PCDHA7: variants seen among roughly 807,000 people sequenced by gnomAD.
PCDHA7 encodes the protein protocadherin alpha 7.
In PCDHA7, 37 loss-of-function variants were observed where a neutral mutation model predicts 57.2. The observed-to-expected ratio is 0.65, with a 90% CI of 0.50 to 0.85. PCDHA7 has a LOEUF of 0.85. Ranked by LOEUF, PCDHA7 falls within the 40% of genes least tolerant of loss-of-function variation. The pLI, the probability that PCDHA7 is intolerant of heterozygous loss-of-function variation, is 0.00. For missense variants in PCDHA7, 1,188 were observed against 1,241.8 expected, an observed-to-expected ratio of 0.96 and a Z score of 0.65; for synonymous variants, 553 against 558.8, an observed-to-expected ratio of 0.99 and a Z score of 0.15.
At chr5:140,962,781 T>A (rs1466674099) in intron 1 of PCDHA7, among the ~76,000 whole-genome samples, 1 of 152,228 alleles carries the variant, frequency 6.6e-6, no homozygotes, top group African/African-American at 2.4e-5. Context: ...ATGGAATTTT[T>A]AAAAACTACT....
intron 1 of PCDHA7, among the ~76,000 whole-genome samples, chr5:140,944,481 T>C (rs1441639137): frequency 1.3e-5 from 2 of 152,106 alleles, no homozygotes; most frequent in Admixed American, 6.5e-5. Flanking sequence ...GGCACTGGAC[T>C]GAGGCTTCTT....
intron 3 of PCDHA7, among the ~76,000 whole-genome samples, chr5:140,993,652 T>C (rs1174007185): frequency 6.6e-6 from 1 of 152,172 alleles, no homozygotes; most frequent in Admixed American, 6.5e-5. Flanking sequence ...AATGACACTT[T>C]GGTTAACAAT....
intron 1 of PCDHA7, among the ~76,000 whole-genome samples, chr5:140,942,962 A>G (rs2153660638): frequency 6.6e-6 from 1 of 152,216 alleles, no homozygotes; most frequent in South Asian, 2.1e-4. Flanking sequence ...CTGTTATCAG[A>G]ATTAAATTTT....
intron 1 of PCDHA7, among the ~76,000 whole-genome samples, chr5:140,909,474 C>G (rs1554193804): frequency 6.6e-6 from 1 of 152,182 alleles, no homozygotes; most frequent in African/African-American, 2.4e-5. Context: ...TCTTCACAGG[C>G]TAAATAGGAG....
chr5:140,857,649 T>G, intron 1 of PCDHA7: 1 of 1,596,586 alleles, frequency 6.3e-7, no homozygotes, highest in Non-Finnish European at 8.6e-7. Context: ...CAGTTCCAGG[T>G]GAGCGCGCGC....
chr5:140,987,797 T>A (rs967250070), intron 3 of PCDHA7, among the ~76,000 whole-genome samples: 23 of 152,308 alleles, frequency 1.5e-4, no homozygotes, highest in African/African-American at 4.3e-4. Flanking sequence ...AAGATTTTTT[T>A]AAAGTGCCTG....
rs142949338 is a variant in PCDHA7 at position 140,927,554 on chromosome 5, T to G, written c.2356-51395T>G. On this transcript the variant is annotated intron_variant, in intron 1 of 3. Coordinates refer to ENST00000525929, the MANE Select transcript of PCDHA7 (RefSeq NM_018910.3). ...CGCTCAGGAGACGCACAAGTCACCA[T>G]CATTGTGGTGGACACAAATGACAAC... The G allele has an allele frequency of 5.6e-6, 9 of 1,614,020 alleles. No individual in the cohort carries two copies. The African/African-American group carries it at 1.1e-4, about 19-fold the overall frequency.
rs2150253350 is a variant in PCDHA7 at position 140,836,122 on chromosome 5, T to C, written c.1739T>C (p.Leu580Pro). Reference sequence around the variant, plus strand: ...GGCACTGGTGGCGCAGTGAGAGAGCTTGTGCCGCGGTCTGTGGGCGCGGGC... The same window carrying C: ...GGCACTGGTGGCGCAGTGAGAGAGCCTGTGCCGCGGTCTGTGGGCGCGGGC... ...VGGTGGAVRELVPRSVGAGHV... is the reference protein window; with the variant it reads ...VGGTGGAVREPVPRSVGAGHV... Residue 580 changes from leucine (L) to proline (P), a missense_variant, in exon 1 of 4, where the codon CTT becomes CCT. Leu to Pro is a moderately conservative substitution (Grantham distance 98). This residue lies in a region of PCDHA7 where 892 missense variants were observed against 788.5 expected (regional missense o/e 1.13). Transcript: ENST00000525929. 2.0e-5 allele frequency: 32 copies of C among 1,613,580 alleles called. 2 individuals are homozygous for C. The Admixed American group carries it at 3.3e-4, about 17-fold the overall frequency.
intron 1 of PCDHA7, among the ~76,000 whole-genome samples, chr5:140,914,575 A>G (rs2076765762): frequency 2.0e-5 from 3 of 152,018 alleles, no homozygotes; most frequent in African/African-American, 7.2e-5. Context: ...TTTACATTCA[A>G]TAATTTCATT....
intron 1 of PCDHA7, chr5:140,967,164 C>G (rs762120187): frequency 8.7e-6 from 14 of 1,611,226 alleles, no homozygotes; most frequent in Non-Finnish European, 1.2e-5. Flanking sequence ...GCGGTGAGCG[C>G]CGTTGAGGTG....
chr5:140,870,052 A>C (rs782520778), intron 1 of PCDHA7: 1 of 1,613,830 alleles, frequency 6.2e-7, no homozygotes, highest in Non-Finnish European at 8.5e-7. Flanking sequence ...GTTTTATAAA[A>C]TTGAAGTACA....
At chr5:140,911,257 A>G (rs1423375928) in intron 1 of PCDHA7, among the ~76,000 whole-genome samples, 1 of 152,156 alleles carries the variant, frequency 6.6e-6, no homozygotes, top group African/African-American at 2.4e-5. Context: ...ATCAGAATTT[A>G]TAATCTCAGT....
intron 1 of PCDHA7, among the ~76,000 whole-genome samples, chr5:140,941,214 C>CCTTCTTTCTTTCTTT (rs1554214040): frequency 8.2e-6 from 1 of 122,414 alleles, no homozygotes; most frequent in Non-Finnish European, 1.7e-5. Context: ...TTTCTTTCTT[C>CCTTCTTTCTTTCTTT]CTTTCTTTCT....
intron 1 of PCDHA7, chr5:140,856,779 C>T (rs1554149103): frequency 6.3e-7 from 1 of 1,596,160 alleles, no homozygotes; most frequent in East Asian, 2.2e-5. Context: ...TTTGACAGAC[C>T]GGTTTATGAA....
chr5:140,843,693 T>C, intron 1 of PCDHA7: 1 of 1,585,660 alleles, frequency 6.3e-7, no homozygotes, highest in Non-Finnish European at 8.6e-7. Context: ...GAGCAAGATT[T>C]AAATGTTGAT....
In PCDHA7 at chr5:140,848,948, G is replaced by C. The variant is rs2150426215; in HGVS notation, c.2355+12210G>C. ...CGGAATCCAGGCCGCTTGACTCTCG[G>C]TTTCCACTAGAGGGCGCGTCCGATG... On this transcript the variant is annotated intron_variant, in intron 1 of 3. Coordinates refer to ENST00000525929, the MANE Select transcript of PCDHA7 (RefSeq NM_018910.3). 8.1e-6 allele frequency: 13 copies of C among 1,607,010 alleles called. No homozygotes were observed. The African/African-American group carries it at 1.8e-4, about 22-fold the overall frequency.
rs2056458194 is a variant in PCDHA7, at chr5:140,876,609, T to C, written c.2355+39871T>C. ...TGATTAGCGTGTCGGATCGTGACTC[T>C]GGAGCCAATGGACAGGTCATCTGCT... On this transcript the variant is annotated intron_variant, in intron 1 of 3. Coordinates refer to ENST00000525929, the MANE Select transcript of PCDHA7 (RefSeq NM_018910.3). The C allele has an allele frequency of 3.1e-6, 5 of 1,614,226 alleles. No individual in the cohort carries two copies. In the East Asian group the frequency reaches 1.1e-4, roughly 36 times the overall value.
At chr5:140,871,265 G>A (rs2052892595) in intron 1 of PCDHA7, 8 of 1,613,978 alleles carry the variant, frequency 5.0e-6, no homozygotes, top group Non-Finnish European at 6.8e-6. Flanking sequence ...ACGGCGCTGT[G>A]GTGGTCGGCA....
intron 3 of PCDHA7, among the ~76,000 whole-genome samples, chr5:140,995,409 A>G (rs1056120944): frequency 2.6e-4 from 39 of 152,210 alleles, no homozygotes; most frequent in Admixed American, 6.5e-5. Flanking sequence ...TCGAGATTTC[A>G]TCACATTACT....
Sources: allele counts gnomAD v4.1 joint callset (sites outside exome capture counted in the v4.1 genomes callset), GRCh38; gene constraint gnomAD v4.1.1; regional missense constraint gnomAD v4.1.1; transcripts MANE v1.5; gene names NCBI Gene and HGNC (gene_info 2026-07-23, HGNC 2026-07-21).